DYRK4: variants seen among roughly 807,000 people sequenced by gnomAD.
The protein encoded by DYRK4 is dual specificity tyrosine phosphorylation regulated kinase 4.
A neutral mutation model predicts 68.3 loss-of-function variants in DYRK4; 64 were observed. The ratio of observed to expected loss-of-function variants is 0.94; its 90% CI spans 0.77 to 1.15. The LOEUF (loss-of-function observed/expected upper bound fraction) is 1.15. DYRK4 is among the 50% of genes most tolerant of loss of function. The probability of loss-of-function intolerance (pLI) is 0.00; values close to 1 mark genes in which losing one functional copy is unlikely to be tolerated. For missense variants in DYRK4, 740 were observed against 764.7 expected, an observed-to-expected ratio of 0.97 and a Z score of 0.38; for synonymous variants, 274 against 289.9, an observed-to-expected ratio of 0.95 and a Z score of 0.56.
At chr12:4,586,729 C>CACACACACACACACACACACACAG (rs368783190) in intron 2 of DYRK4, among the ~76,000 whole-genome samples, 1 of 112,362 alleles carries the variant, frequency 8.9e-6, no homozygotes, top group Admixed American at 9.5e-5. Flanking sequence ...CACACACACA[C>CACACACACACACACACACACACAG]ACAGACACAC....
chr12:4,592,819 A>G, intron 5 of DYRK4, 183 bp from the exon 6 acceptor site: 1 of 618,636 alleles, frequency 1.6e-6, no homozygotes, highest in Non-Finnish European at 2.7e-6. Flanking sequence ...TAAATACAAG[A>G]CCTTGACATT....
chr12:4,593,519 T>C (rs897929170), intron 6 of DYRK4, among the ~76,000 whole-genome samples: 5 of 152,208 alleles, frequency 3.3e-5, no homozygotes, highest in Non-Finnish European at 5.9e-5. Flanking sequence ...TTTTTGTCTC[T>C]TCAATACAAG....
chr12:4,588,462 C>A (rs1309817082), intron 2 of DYRK4, among the ~76,000 whole-genome samples: 1 of 152,184 alleles, frequency 6.6e-6, no homozygotes, highest in Non-Finnish European at 1.5e-5. Flanking sequence ...CCCTTCTAGG[C>A]GTGAAGTCTC....
chr12:4,599,209 A>G, intron 9 of DYRK4, 43 bp downstream of exon 9: 1 of 1,595,564 alleles, frequency 6.3e-7, no homozygotes, highest in Non-Finnish European at 8.5e-7. Context: ...CTCTGGAAAT[A>G]CCCATTCTAT....
At chr12:4,611,818 G>A (rs1350629473) in intron 13 of DYRK4, among the ~76,000 whole-genome samples, 2 of 152,078 alleles carry the variant, frequency 1.3e-5, no homozygotes, top group Non-Finnish European at 2.9e-5. Flanking sequence ...AGTTAGTAGC[G>A]ATGTAAATAT....
In DYRK4 at chr12:4,596,045, T is replaced by C. The variant is rs558414988; in HGVS notation, c.628-104T>C. On this transcript the variant is annotated intron_variant, in intron 6 of 14. Transcript: ENST00000543431. ...GTGCCCAGTGTAGTTAGAAAATTCC[T>C]CCAGGAGTGAGCCATAATCTGGGGA... The C allele has an allele frequency of 1.9e-4, 241 of 1,284,628 alleles. 1 individual carries two copies. In the South Asian group the frequency reaches 2.5e-3, roughly 13 times the overall value. 79.6% of individuals were successfully genotyped at this position (1,284,628 alleles called of 1,614,324 possible). A position where few individuals can be genotyped will look rare whatever the true frequency, so the allele number is the denominator to read the frequency against.
rs368964926 is a variant in DYRK4, at chr12:4,599,701, C to G, written c.1045-6C>G. 3 of 1,611,372 alleles carry G rather than the reference C, an allele frequency of 1.9e-6. No individual in the cohort carries two copies. In the African/African-American group the frequency reaches 4.0e-5, roughly 22 times the overall value. On this transcript the variant is annotated splice_polypyrimidine_tract_variant and splice_region_variant and intron_variant, in intron 9 of 14. Transcript: ENST00000543431. ...TAGCTTGACATATGTCTTTTCTTCTCTCTAGGAAAATATAGTGCTATACCA... is the reference window on the plus strand; with the variant it reads ...TAGCTTGACATATGTCTTTTCTTCTGTCTAGGAAAATATAGTGCTATACCA...
intron 12 of DYRK4, among the ~76,000 whole-genome samples, chr12:4,608,519 C>T (rs1045718974): frequency 6.6e-6 from 1 of 152,114 alleles, no homozygotes; most frequent in Admixed American, 6.5e-5. Context: ...CTGATTCAGC[C>T]ATGTGGGGGT....
rs375183364 is a variant in DYRK4, at chr12:4,599,270, C to CTTTTG, written c.1044+108_1044+109insGTTTT. 1.5e-3 allele frequency: 671 copies of CTTTTG among 460,120 alleles called. 1 individual carries two copies. The highest frequency in any genetic ancestry group is 1.8e-3 in the Middle Eastern group (3 of 1,676). 28.5% of individuals were successfully genotyped at this position (460,120 alleles called of 1,614,324 possible). A position where few individuals can be genotyped will look rare whatever the true frequency, so the allele number is the denominator to read the frequency against. On this transcript the variant is annotated intron_variant, in intron 9 of 14. Transcript: ENST00000543431. Reference sequence around the variant, plus strand: ...ACTCCAATCAAATAATTGCCTTTGACTTTTTTTTTTTTTTTTTTTTTTGGT... The same window carrying CTTTTG: ...ACTCCAATCAAATAATTGCCTTTGACTTTTGTTTTTTTTTTTTTTTTTTTTTTGGT...
At chr12:4,607,278 G>A in intron 11 of DYRK4, 49 bp from the exon 12 acceptor site, 1 of 1,611,688 alleles carries the variant, frequency 6.2e-7, no homozygotes, top group Non-Finnish European at 8.5e-7. Context: ...CTCAGCCTTT[G>A]AATCTGTGCT....
At chr12:4,588,861 T>C in intron 2 of DYRK4, 76 bp from the exon 3 acceptor site, 1 of 1,420,096 alleles carries the variant, frequency 7.0e-7, no homozygotes, top group South Asian at 1.2e-5. Context: ...GTTTGTTTAT[T>C]GTAATGTAAC....
chr12:4,563,874 C>A (rs6489553), intron 1 of DYRK4, among the ~76,000 whole-genome samples: 6,402 of 152,246 alleles, frequency 0.042, 430 homozygotes, highest in African/African-American at 0.14. Context: ...ATAGTTTATT[C>A]TTCCAAGAAA....
rs766952741 is a variant in DYRK4, at chr12:4,612,674, CAAGG to C, written c.1628_1631del (p.Lys543ThrfsTer54). ...TCCAATTCCTTTTTCCCCTCTGAGA[CAAGG>C]AAGGACAAGGTTCAAGGCTGTCATC... On this transcript the variant is annotated frameshift_variant, in exon 14 of 15. Transcript: ENST00000543431. LOFTEE classifies it low-confidence loss of function (END_TRUNC). 1 of 1,614,070 alleles carries C rather than the reference CAAGG, an allele frequency of 6.2e-7. No individual in the cohort carries two copies. Among genetic ancestry groups the C allele is most frequent in the African/African-American group, 1.3e-5 (1 of 75,002 alleles).
chr12:4,562,376 A>C lies in DYRK4; in HGVS notation c.38+93A>C, dbSNP rs1459366471. On this transcript the variant is annotated intron_variant, in intron 1 of 14. Coordinates refer to ENST00000543431, the MANE Select transcript of DYRK4 (RefSeq NM_001394779.1). ...CTGGTCGACGGGGTCGTGGGGGGAGAATGAAAAGCGTGCAGAATGCAAGAG... is the reference window on the plus strand; with the variant it reads ...CTGGTCGACGGGGTCGTGGGGGGAGCATGAAAAGCGTGCAGAATGCAAGAG... 24 of 1,438,826 alleles carry C rather than the reference A, an allele frequency of 1.7e-5. No homozygotes were observed. In the East Asian group the frequency reaches 6.3e-4, roughly 38 times the overall value. 89.1% of individuals were successfully genotyped at this position (1,438,826 alleles called of 1,614,324 possible). A position where few individuals can be genotyped will look rare whatever the true frequency, so the allele number is the denominator to read the frequency against.
At chr12:4,564,057 C>T (rs1396037151) in intron 1 of DYRK4, among the ~76,000 whole-genome samples, 3 of 152,128 alleles carry the variant, frequency 2.0e-5, no homozygotes, top group Admixed American at 6.5e-5. Flanking sequence ...TCTCCAAAAC[C>T]TCTTCTAGCT....
intron 8 of DYRK4, chr12:4,596,975 T>G (rs1290978624): frequency 7.4e-7 from 1 of 1,344,880 alleles, no homozygotes; most frequent in Admixed American, 3.7e-5. Context: ...CTGAGCCAGG[T>G]GACATGACCA....
At chr12:4,611,805 ATTAG>A (rs1945224395) in intron 13 of DYRK4, among the ~76,000 whole-genome samples, 1 of 152,310 alleles carries the variant, frequency 6.6e-6, no homozygotes, top group East Asian at 1.9e-4. Flanking sequence ...TCATATGATC[ATTAG>A]TTAGTAGCGA....
intron 2 of DYRK4, among the ~76,000 whole-genome samples, chr12:4,568,428 C>A (rs960366196): frequency 6.6e-6 from 1 of 151,838 alleles, no homozygotes; most frequent in Non-Finnish European, 1.5e-5. Flanking sequence ...TCTTGTTGCC[C>A]AGGCTGGAGT....
Position 4,610,256 on chromosome 12 carries a change from T to C in DYRK4, c.1462T>C (p.Phe488Leu), listed in dbSNP as rs1591809904. ...GGTGCTGAAAACCTATGACACCAGC[T>C]TCCTGGACTTTCTCAGAAGGTGTTT... ...TMVLKTYDTSFLDFLRRCLVW... is the reference protein window; with the variant it reads ...TMVLKTYDTSLLDFLRRCLVW... The change falls in exon 13 of 15, where the codon TTC (phenylalanine) becomes CTC (leucine). Residue 488 changes from phenylalanine (F) to leucine (L), a missense_variant. By Grantham distance (22) the Phe-to-Leu change is conservative. Around this residue, in one of 3 missense-constraint regions of DYRK4, gnomAD observed 614 missense variants for 603.7 expected, o/e 1.02. Coordinates refer to ENST00000543431, the MANE Select transcript of DYRK4 (RefSeq NM_001394779.1). 1 of 1,581,470 alleles carries C rather than the reference T, an allele frequency of 6.3e-7. No individual in the cohort carries two copies. The highest frequency in any genetic ancestry group is 2.3e-5 in the East Asian group (1 of 42,944).
Sources: gnomAD v4.1 joint callset for allele counts (sites outside exome capture counted in the v4.1 genomes callset) on GRCh38, gnomAD v4.1.1 for gene constraint, gnomAD v4.1.1 regional missense constraint, MANE v1.5 for transcripts, NCBI Gene and HGNC (gene_info 2026-07-23, HGNC 2026-07-21) for gene names.